The following CTNNBL1 variants were observed in gnomAD, a reference collection of about 807,000 sequenced individuals.
The protein encoded by CTNNBL1 is beta-catenin-like protein 1.
A neutral mutation model predicts 72.7 loss-of-function variants in CTNNBL1; 31 were observed. The observed-to-expected ratio is 0.43, with a 90% CI of 0.32 to 0.58. The LOEUF (loss-of-function observed/expected upper bound fraction) is 0.58, where lower values mean the gene tolerates loss of function less well. Among genes scored for constraint, CTNNBL1 ranks in the 20% least tolerant of loss-of-function variants. CTNNBL1 has a pLI of 0.08. For synonymous variants in CTNNBL1, 240 were observed against 267.3 expected (o/e 0.90, Z 1.00); for missense variants, 534 against 725.1 (o/e 0.74, Z 3.03).
chr20:37,835,765 T>C (rs117831120), intron 11 of CTNNBL1, among the ~76,000 whole-genome samples: 1 of 152,294 alleles, frequency 6.6e-6, no homozygotes, highest in East Asian at 1.9e-4. Flanking sequence ...AAAATACCCA[T>C]GAATGGGGCG....
intron 13 of CTNNBL1, among the ~76,000 whole-genome samples, chr20:37,859,227 CG>C (rs368417445): frequency 8.4e-4 from 128 of 151,958 alleles, no homozygotes; most frequent in African/African-American, 2.9e-3. Context: ...CGTGGTGGCA[CG>C]TGCCTGTAAT....
chr20:37,868,191 GTT>G (rs751166374), intron 15 of CTNNBL1, among the ~76,000 whole-genome samples: 7 of 152,004 alleles, frequency 4.6e-5, no homozygotes, highest in African/African-American at 1.7e-4. Flanking sequence ...ACAGAGCAGA[GTT>G]TTTTTTCCCA....
At chr20:37,870,374 C>T (rs1203304428) in intron 15 of CTNNBL1, among the ~76,000 whole-genome samples, 6 of 152,058 alleles carry the variant, frequency 3.9e-5, no homozygotes, top group Admixed American at 2.6e-4. Context: ...CGGGGGACTG[C>T]ACCCCCCGAC....
At chr20:37,702,385 T>G (rs78045370) in intron 1 of CTNNBL1, among the ~76,000 whole-genome samples, 8,037 of 152,174 alleles carry the variant, frequency 0.053, 281 homozygotes, top group Middle Eastern at 0.065. Flanking sequence ...GTTTTTTGGT[T>G]GTTGTTGTTG....
chr20:37,742,814 T>C (rs2073229302), intron 3 of CTNNBL1, among the ~76,000 whole-genome samples: 1 of 152,210 alleles, frequency 6.6e-6, no homozygotes, highest in Non-Finnish European at 1.5e-5. Context: ...TTTATTTATT[T>C]ATTTTTTGAG....
chr20:37,833,131 A>T (rs1272735921), intron 11 of CTNNBL1, among the ~76,000 whole-genome samples: 1 of 152,226 alleles, frequency 6.6e-6, no homozygotes, highest in Admixed American at 6.5e-5. Context: ...GACCTGAGGC[A>T]AATCACATTC....
chr20:37,704,758 C>T (rs2072871636), intron 1 of CTNNBL1, among the ~76,000 whole-genome samples: 1 of 151,776 alleles, frequency 6.6e-6, no homozygotes, highest in Non-Finnish European at 1.5e-5. Context: ...CCTGGGTGGT[C>T]TTACTTTTAT....
chr20:37,717,517 T>A (rs1395740030), intron 1 of CTNNBL1, among the ~76,000 whole-genome samples: 1 of 152,222 alleles, frequency 6.6e-6, no homozygotes, highest in East Asian at 1.9e-4. Context: ...TAATTTGTTA[T>A]TTAAAGGTTC....
chr20:37,719,850 T>C (rs933671351), intron 1 of CTNNBL1, among the ~76,000 whole-genome samples: 5 of 151,438 alleles, frequency 3.3e-5, no homozygotes, highest in Middle Eastern at 3.4e-3. Context: ...CTTTTCTTTT[T>C]TTTTTTTTGA....
chr20:37,847,591 A>T (rs2072357050), intron 13 of CTNNBL1, among the ~76,000 whole-genome samples: 1 of 152,130 alleles, frequency 6.6e-6, no homozygotes, highest in African/African-American at 2.4e-5. Context: ...CTTCTTGTTG[A>T]TTCTTTCCCG....
chr20:37,804,003 T>G (rs1252607806), intron 11 of CTNNBL1, among the ~76,000 whole-genome samples: 1 of 151,974 alleles, frequency 6.6e-6, no homozygotes, highest in Non-Finnish European at 1.5e-5. Flanking sequence ...CAACTTGGAG[T>G]GGCTAAAGGG....
At chr20:37,819,122 C>G (rs1015957447) in intron 11 of CTNNBL1, among the ~76,000 whole-genome samples, 4 of 152,106 alleles carry the variant, frequency 2.6e-5, no homozygotes, top group African/African-American at 9.7e-5. Context: ...TTTGACTTGA[C>G]AAAAGTGCAT....
At position 37,694,162 on chromosome 20, in the gene CTNNBL1, G is replaced by T. The variant is rs1385461212; in HGVS notation, c.30+10G>T. 6.3e-7 allele frequency: 1 copy of T among 1,587,634 alleles called. No homozygotes were observed. The highest frequency in any genetic ancestry group is 1.7e-4 in the Middle Eastern group (1 of 5,980). On this transcript the variant is annotated intron_variant, in intron 1 of 15. Transcript: ENST00000361383. ...ACTTCTGAGCTACCAGGTATGAGGG[G>T]CAGGGAGGGCCGAGCGACCGCGTTC... is the stretch of plus-strand genomic sequence containing the variant.
chr20:37,768,823 G>A (rs922406606), intron 7 of CTNNBL1, among the ~76,000 whole-genome samples: 1 of 152,054 alleles, frequency 6.6e-6, no homozygotes, highest in African/African-American at 2.4e-5. Context: ...CTGTTGCCCA[G>A]GATGGAGTAC....
chr20:37,820,468 C>G (rs2072096645), intron 11 of CTNNBL1, among the ~76,000 whole-genome samples: 1 of 152,102 alleles, frequency 6.6e-6, no homozygotes, highest in East Asian at 1.9e-4. Context: ...TTCCAGTGTT[C>G]CAGAAGACAC....
At chr20:37,784,811 G>A (rs963978593) in intron 10 of CTNNBL1, among the ~76,000 whole-genome samples, 4 of 152,132 alleles carry the variant, frequency 2.6e-5, no homozygotes, top group Non-Finnish European at 5.9e-5. Context: ...GTTTTTCTGT[G>A]TACTTATGGT....
At chr20:37,798,790 G>C (rs1052697403) in intron 10 of CTNNBL1, among the ~76,000 whole-genome samples, 1 of 152,160 alleles carries the variant, frequency 6.6e-6, no homozygotes, top group African/African-American at 2.4e-5. Flanking sequence ...TGGTTTGAGC[G>C]TATGCTGAAT....
chr20:37,765,933 G>C (rs1381047765), intron 6 of CTNNBL1, among the ~76,000 whole-genome samples: 2 of 152,146 alleles, frequency 1.3e-5, no homozygotes, highest in Non-Finnish European at 2.9e-5. Context: ...TTGTGTTTTG[G>C]GGGTAGCTCT....
At chr20:37,701,839 G>A (rs1025972901) in intron 1 of CTNNBL1, among the ~76,000 whole-genome samples, 4 of 151,216 alleles carry the variant, frequency 2.6e-5, no homozygotes, top group Non-Finnish European at 4.4e-5. Flanking sequence ...GATGTGTGGC[G>A]TAATACATCG....
Sources: gnomAD v4.1 joint callset for allele counts (sites outside exome capture counted in the v4.1 genomes callset) on GRCh38, gnomAD v4.1.1 for gene constraint, MANE v1.5 for transcripts, NCBI Gene and HGNC (gene_info 2026-07-23, HGNC 2026-07-21) for gene names.